The following CFAP65 variants were observed in gnomAD, a reference collection of about 807,000 sequenced individuals.
CFAP65 encodes cilia- and flagella-associated protein 65.
In CFAP65, 155 loss-of-function variants were observed where a neutral mutation model predicts 208.0. The ratio of observed to expected loss-of-function variants is 0.75; its 90% CI spans 0.65 to 0.85. The LOEUF (loss-of-function observed/expected upper bound fraction) is 0.85, where lower values mean the gene tolerates loss of function less well. CFAP65 is among the 40% of genes least tolerant of loss of function. The probability of loss-of-function intolerance (pLI) is 0.00; values close to 1 mark genes in which losing one functional copy is unlikely to be tolerated. For synonymous variants in CFAP65, 970 were observed against 986.3 expected (o/e 0.98, Z 0.31); for missense variants, 2,294 against 2,451.3 (o/e 0.94, Z 1.36).
At chr2:219,019,371 C>G (rs113027933) in intron 20 of CFAP65, 135 bp downstream of exon 20, 1 of 1,065,926 alleles carries the variant, frequency 9.4e-7, no homozygotes. Context: ...CAGGGATGGG[C>G]GAGAACTGGG....
chr2:219,012,400 A>G (rs879746890), intron 24 of CFAP65, among the ~76,000 whole-genome samples: 9 of 152,252 alleles, frequency 5.9e-5, no homozygotes, highest in Non-Finnish European at 8.8e-5. Context: ...ACTGTCACAG[A>G]CCCTAGTGGG....
intron 5 of CFAP65, chr2:219,034,631 T>A (rs1222380008): frequency 6.6e-6 from 1 of 152,130 alleles, no homozygotes; most frequent in Admixed American, 6.5e-5. Context: ...CCACAACGCA[T>A]AACTGGCAAA....
chr2:219,039,929 A>G (rs188493750), intron 2 of CFAP65, among the ~76,000 whole-genome samples: 1 of 152,356 alleles, frequency 6.6e-6, no homozygotes, highest in East Asian at 1.9e-4. Flanking sequence ...ACTTCTTCAA[A>G]TAACAATCTC....
At position 219,003,762 on chromosome 2, in the gene CFAP65, G is replaced by T. The variant is rs1945744317; in HGVS notation, c.5555+190C>A. On this transcript the variant is annotated intron_variant, in intron 33 of 34. Coordinates refer to ENST00000341552, the MANE Select transcript of CFAP65 (RefSeq NM_194302.4). This position sits in a 1 kb window ranked among gnomAD's most constrained non-coding sequence, Gnocchi z 4.4. Reference sequence around the variant, plus strand: ...CAACAACTAGTTCTTAGAGAAAAAAGAATAAAGTTCAGTGTTGGTGCCGGG... The same window carrying T: ...CAACAACTAGTTCTTAGAGAAAAAATAATAAAGTTCAGTGTTGGTGCCGGG... 1.3e-5 allele frequency among the ~76,000 whole-genome samples: 2 copies of T among 152,176 alleles called. No individual in the cohort carries two copies. The highest frequency in any genetic ancestry group is 6.5e-5 in the Admixed American group (1 of 15,286).
chr2:219,027,569 G>T, intron 13 of CFAP65, 81 bp downstream of exon 13: 1 of 1,612,986 alleles, frequency 6.2e-7, no homozygotes, highest in Non-Finnish European at 8.5e-7. Context: ...AGCTGCCCTC[G>T]GTCACTTCCT....
rs781733919 is a variant in CFAP65, at chr2:219,030,696, G to A, written c.1154C>T (p.Pro385Leu). The A allele has an allele frequency of 4.3e-6, 7 of 1,613,096 alleles. No individual in the cohort carries two copies. In the Admixed American group the frequency reaches 5.0e-5, roughly 12 times the overall value. Residue 385 changes from proline (P) to leucine (L), a missense_variant, in exon 9 of 35, where the codon CCG becomes CTG. By Grantham distance (98) the Pro-to-Leu change is moderately conservative. Transcript: ENST00000341552. ...CTCCTGCCTGGTGCCTACCGCCGACGGGTTGTGTAGCCTGATCTGCCTCTC... is the reference window on the plus strand; with the variant it reads ...CTCCTGCCTGGTGCCTACCGCCGACAGGTTGTGTAGCCTGATCTGCCTCTC... ...TSERQIRLHN[P>L]SAVNAPFRIE...
upstream of CFAP65, chr2:219,041,523 C>T (rs1948655409): frequency 1.3e-6 from 2 of 1,550,550 alleles, no homozygotes; most frequent in African/African-American, 1.4e-5. Context: ...AGATACAGGA[C>T]GCGCAGGAAA....
chr2:219,026,355 A>C lies in CFAP65; in HGVS notation c.2212-196T>G, dbSNP rs551929287. On this transcript the variant is annotated intron_variant, in intron 13 of 34. Transcript: ENST00000341552. Reference sequence around the variant, plus strand: ...CTGCGGGGAGCTAGGCCCTGCATCCATATAGCAATGCTCTCTTTAGTCCTC... The same window carrying C: ...CTGCGGGGAGCTAGGCCCTGCATCCCTATAGCAATGCTCTCTTTAGTCCTC... Among the ~76,000 whole-genome samples the C allele has an allele frequency of 2.6e-5, 4 of 152,260 alleles. 1 individual carries two copies. In the South Asian group the frequency reaches 8.3e-4, roughly 32 times the overall value.
Position 219,026,005 on chromosome 2 carries a change from G to T in CFAP65, c.2349+17C>A, listed in dbSNP as rs1947606232. 1 of 1,612,260 alleles carries T rather than the reference G, an allele frequency of 6.2e-7. No homozygotes were observed. The highest frequency in any genetic ancestry group is 8.5e-7 in the Non-Finnish European group (1 of 1,178,588). On this transcript the variant is annotated intron_variant, in intron 14 of 34. Transcript: ENST00000341552. ...GCTCCCCTGTCTCCCTCCCACTGCT[G>T]TTGGGGCCACGCTTACCTTGGGGAC...
At chr2:219,035,378 C>T in intron 5 of CFAP65, 102 bp downstream of exon 5, 4 of 1,602,798 alleles carry the variant, frequency 2.5e-6, no homozygotes, top group Non-Finnish European at 3.4e-6. Flanking sequence ...TTTTATATGG[C>T]ATGTTAAAGG....
chr2:219,023,309 G>C lies in CFAP65; in HGVS notation c.2718C>G (p.Pro906=), dbSNP rs773086379. 1 of 1,613,316 alleles carries C rather than the reference G, an allele frequency of 6.2e-7. No homozygotes were observed. The highest frequency in any genetic ancestry group is 2.2e-5 in the East Asian group (1 of 44,872). The change falls in exon 16 of 35, where the codon CCC becomes CCG. Residue 906 remains proline, a synonymous_variant. Transcript: ENST00000341552. ...ACTCGAACTGCAGGGGCAGACGCGA[G>C]GGGTTGCGGAAGGTGAAGGGGCTGG... is the stretch of plus-strand genomic sequence containing the variant. ...SSTSPFTFRN[P]SRLPLQFEWR...
intron 29 of CFAP65, 99 bp downstream of exon 29, chr2:219,008,948 G>C: frequency 1.1e-6 from 1 of 908,302 alleles, no homozygotes; most frequent in Admixed American, 2.0e-5. Context: ...AGGCTGGCTG[G>C]TTTGGCCTGG....
intron 19 of CFAP65, among the ~76,000 whole-genome samples, chr2:219,020,918 A>C (rs1947223950): frequency 6.6e-6 from 1 of 152,178 alleles, no homozygotes; most frequent in Non-Finnish European, 1.5e-5. Flanking sequence ...AGATTTCACA[A>C]TAAGTCAGCA....
In CFAP65 at chr2:219,009,097, C is replaced by T. The variant is rs750951820; in HGVS notation, c.4624G>A (p.Glu1542Lys). Residue 1542 changes from glutamate (E) to lysine (K), a missense_variant, in exon 29 of 35, where the codon GAG (glutamate) becomes AAG (lysine). Coordinates refer to ENST00000341552, the MANE Select transcript of CFAP65 (RefSeq NM_194302.4). ...AACTCCACTTCCTGCCGCACCTTCT[C>T]GTCCTTCCACTCCTGCAGCTCCTTG... Reference protein sequence around the residue: ...YHKELQEWKDEKVRQEVEFTI... With the variant: ...YHKELQEWKDKKVRQEVEFTI... The T allele has an allele frequency of 1.2e-5, 19 of 1,612,928 alleles. No homozygotes were observed. Among genetic ancestry groups the T allele is most frequent in the South Asian group, 5.5e-5 (5 of 91,084 alleles).
At position 219,003,045 on chromosome 2, in the gene CFAP65, A is replaced by AGGC; in HGVS notation, c.5694-27_5694-25dup. The AGGC allele has an allele frequency of 6.4e-7, 1 of 1,552,422 alleles. No homozygotes were observed. The highest frequency in any genetic ancestry group is 1.2e-5 in the South Asian group (1 of 84,126). On this transcript the variant is annotated intron_variant, in intron 34 of 34. Transcript: ENST00000341552. The surrounding 1 kb of genome is among the most constrained non-coding windows in gnomAD (Gnocchi z 4.4). ...TCCTGGAAGACAAAAAGTCCCAGGT[A>AGGC]GGCGTGGGGGCGAGGCTTCGGGCAG...
At chr2:219,034,340 T>C (rs1948224386) in intron 5 of CFAP65, 1 of 152,188 alleles carries the variant, frequency 6.6e-6, no homozygotes, top group African/African-American at 2.4e-5. Context: ...GGAGGACGTA[T>C]ACTACCAGCT....
chr2:219,027,565 C>G (rs1281248281), intron 13 of CFAP65, 85 bp downstream of exon 13: 8 of 1,612,892 alleles, frequency 5.0e-6, no homozygotes, highest in Non-Finnish European at 6.8e-6. Flanking sequence ...CTGAAGCTGC[C>G]CTCGGTCACT....
intron 21 of CFAP65, among the ~76,000 whole-genome samples, chr2:219,016,031 C>A (rs1384987609): frequency 6.6e-6 from 1 of 152,142 alleles, no homozygotes; most frequent in African/African-American, 2.4e-5. Flanking sequence ...GTATGTTGTG[C>A]AAATGCTGAG....
In CFAP65 at chr2:219,022,230, C is replaced by T. The variant is rs745455385; in HGVS notation, c.2920G>A (p.Ala974Thr). 24 of 1,606,116 alleles carry T rather than the reference C, an allele frequency of 1.5e-5. No homozygotes were observed. The highest frequency in any genetic ancestry group is 6.8e-5 in the Admixed American group (4 of 58,884). Residue 974 changes from alanine (A) to threonine (T), a missense_variant, in exon 17 of 35, where the codon GCT becomes ACT. This residue lies in a region of CFAP65 where 1,427 missense variants were observed against 1,438.7 expected (regional missense o/e 0.99). Coordinates refer to ENST00000341552, the MANE Select transcript of CFAP65 (RefSeq NM_194302.4). ...CGGAGCATGTAGTGGGTGGTGGCAG[C>T]GGGGTTGGCATTTGGGGACAGGCCG... ...EAGLSPNANPAATTHYMLRLV... is the reference protein window; with the variant it reads ...EAGLSPNANPTATTHYMLRLV...
Sources: allele counts gnomAD v4.1 joint callset (sites outside exome capture counted in the v4.1 genomes callset), GRCh38; gene constraint gnomAD v4.1.1; regional missense constraint gnomAD v4.1.1; non-coding constraint Gnocchi (gnomAD v3.1); transcripts MANE v1.5; gene names NCBI Gene and HGNC (gene_info 2026-07-23, HGNC 2026-07-21).